The following PARD3 variants were observed in gnomAD, a reference collection of about 807,000 sequenced individuals.
PARD3 encodes the protein partitioning defective 3 homolog.
A neutral mutation model predicts 155.4 loss-of-function variants in PARD3; 75 were observed. The observed-to-expected ratio is 0.48, with a 90% CI of 0.40 to 0.58. The LOEUF (loss-of-function observed/expected upper bound fraction) is 0.58, where lower values mean the gene tolerates loss of function less well. Ranked by LOEUF, PARD3 falls within the 20% of genes least tolerant of loss-of-function variation. PARD3 has a pLI of 0.00. For synonymous variants in PARD3, 576 were observed against 610.5 expected (o/e 0.94, Z 0.83); for missense variants, 1,642 against 1,721.7 (o/e 0.95, Z 0.82).
intron 1 of PARD3, among the ~76,000 whole-genome samples, chr10:34,781,232 T>G (rs576116586): frequency 6.6e-6 from 1 of 152,318 alleles, no homozygotes; most frequent in East Asian, 1.9e-4. Context: ...CAGACGCTGC[T>G]CACAAGTAAA....
intron 19 of PARD3, among the ~76,000 whole-genome samples, 181 bp downstream of exon 19, chr10:34,330,936 A>G (rs540879933): frequency 2.6e-5 from 4 of 152,272 alleles, no homozygotes; most frequent in East Asian, 1.9e-4. Context: ...GTGTATACTT[A>G]TAAGAGAATG....
chr10:34,201,453 G>A (rs1245507936), intron 22 of PARD3, among the ~76,000 whole-genome samples: 2 of 152,226 alleles, frequency 1.3e-5, no homozygotes, highest in African/African-American at 4.8e-5. Context: ...AAATTATGAA[G>A]AAATCAAAGA....
intron 19 of PARD3, among the ~76,000 whole-genome samples, chr10:34,327,236 C>T (rs761488941): frequency 2.0e-5 from 3 of 152,076 alleles, no homozygotes; most frequent in Non-Finnish European, 4.4e-5. Flanking sequence ...GGTAGGGCCT[C>T]GGAGATAATG....
intron 14 of PARD3, among the ~76,000 whole-genome samples, chr10:34,354,975 G>A (rs1260320618): frequency 2.6e-5 from 4 of 152,218 alleles, no homozygotes; most frequent in South Asian, 2.1e-4. Context: ...GCAGCAGTGC[G>A]CCTGGTGAGA....
chr10:34,528,684 T>C (rs563981327), intron 2 of PARD3, among the ~76,000 whole-genome samples: 2 of 152,292 alleles, frequency 1.3e-5, no homozygotes, highest in East Asian at 3.9e-4. Flanking sequence ...GAGGGGAAGA[T>C]GAAAGACAAC....
At chr10:34,296,176 A>G (rs1377474371) in intron 20 of PARD3, among the ~76,000 whole-genome samples, 2 of 152,214 alleles carry the variant, frequency 1.3e-5, no homozygotes, top group Non-Finnish European at 2.9e-5. Context: ...TTCATGAAGT[A>G]AACTATATTA....
At chr10:34,701,674 C>A (rs2094281901) in intron 1 of PARD3, among the ~76,000 whole-genome samples, 2 of 152,012 alleles carry the variant, frequency 1.3e-5, no homozygotes, top group African/African-American at 4.8e-5. Context: ...ACAGGAGGAT[C>A]ACTCAAGCCC....
Position 34,630,445 on chromosome 10 carries a change from T to C in PARD3, c.222+65873A>G, listed in dbSNP as rs867326236. Among the ~76,000 whole-genome samples the C allele has an allele frequency of 7.6e-4, 110 of 144,300 alleles. 1 individual carries two copies. Among genetic ancestry groups the C allele is most frequent in the African/African-American group, 1.6e-3 (61 of 39,114 alleles). 94.7% of individuals were successfully genotyped at this position (144,300 alleles called of 152,430 possible). A position where few individuals can be genotyped will look rare whatever the true frequency, so the allele number is the denominator to read the frequency against. The stretch of plus-strand genomic sequence containing the variant: ...CCACCCTTATCCTCCCTCTCTCTCT[T>C]TTTTTTTTTTTTTTTCTTCCGGAGA... On this transcript the variant is annotated intron_variant, in intron 2 of 24. Coordinates refer to ENST00000374788, the MANE Select transcript of PARD3 (RefSeq NM_001184785.2).
chr10:34,272,287 A>T (rs888773374), intron 21 of PARD3, among the ~76,000 whole-genome samples: 1 of 152,214 alleles, frequency 6.6e-6, no homozygotes, highest in African/African-American at 2.4e-5. Flanking sequence ...ATTATCCATA[A>T]AACTTTAAAA....
chr10:34,493,375 T>C (rs763554087), intron 3 of PARD3, among the ~76,000 whole-genome samples: 1 of 152,180 alleles, frequency 6.6e-6, no homozygotes, highest in Non-Finnish European at 1.5e-5. Context: ...TACCATTGCA[T>C]GAGAGAGAAT....
At chr10:34,628,694 G>A (rs2092111029) in intron 2 of PARD3, among the ~76,000 whole-genome samples, 3 of 152,214 alleles carry the variant, frequency 2.0e-5, no homozygotes, top group Admixed American at 1.3e-4. Context: ...ACACTGCGCA[G>A]CACTGATGGG....
At chr10:34,581,792 T>G (rs1191634620) in intron 2 of PARD3, among the ~76,000 whole-genome samples, 1 of 152,174 alleles carries the variant, frequency 6.6e-6, no homozygotes, top group African/African-American at 2.4e-5. Flanking sequence ...AGAGGCAGTC[T>G]GGGAAAGAAG....
At chr10:34,141,304 T>C (rs1228093887) in intron 22 of PARD3, among the ~76,000 whole-genome samples, 3 of 152,248 alleles carry the variant, frequency 2.0e-5, no homozygotes, top group East Asian at 1.9e-4. Flanking sequence ...GAGAAACTCA[T>C]GCAAATCCCA....
intron 5 of PARD3, among the ~76,000 whole-genome samples, chr10:34,408,212 A>AAC (rs1312571267): frequency 3.5e-4 from 48 of 135,798 alleles, no homozygotes; most frequent in South Asian, 1.7e-3. Context: ...GTGTTTAGAA[A>AAC]GCACAAAAAA....
intron 1 of PARD3, among the ~76,000 whole-genome samples, chr10:34,778,782 C>A (rs1257412386): frequency 6.6e-6 from 1 of 151,764 alleles, no homozygotes; most frequent in Non-Finnish European, 1.5e-5. Context: ...TAAGAGCTTG[C>A]CAAAAAAAAG....
At chr10:34,348,665 C>T (rs1415707806) in intron 14 of PARD3, among the ~76,000 whole-genome samples, 1 of 152,114 alleles carries the variant, frequency 6.6e-6, no homozygotes, top group East Asian at 1.9e-4. Context: ...ATTTTAAATT[C>T]CTCCTGCTAG....
At chr10:34,481,048 C>T (rs550897500) in intron 3 of PARD3, among the ~76,000 whole-genome samples, 4 of 151,874 alleles carry the variant, frequency 2.6e-5, no homozygotes, top group East Asian at 1.9e-4. Context: ...GTGATCCACC[C>T]GCCTCAGCCT....
At chr10:34,627,705 A>G (rs2092053969) in intron 2 of PARD3, among the ~76,000 whole-genome samples, 1 of 152,168 alleles carries the variant, frequency 6.6e-6, no homozygotes, top group African/African-American at 2.4e-5. Flanking sequence ...TGACCCTGCC[A>G]AAGCCTTGAT....
chr10:34,429,781 T>C (rs1355927111), intron 5 of PARD3, among the ~76,000 whole-genome samples: 1 of 152,198 alleles, frequency 6.6e-6, no homozygotes, highest in East Asian at 1.9e-4. Flanking sequence ...GAGACACGGT[T>C]TCACTATATT....
Sources: gnomAD v4.1 joint callset for allele counts (sites outside exome capture counted in the v4.1 genomes callset) on GRCh38, gnomAD v4.1.1 for gene constraint, MANE v1.5 for transcripts, NCBI Gene and HGNC (gene_info 2026-07-23, HGNC 2026-07-21) for gene names.